The following GRIK3 variants were observed in gnomAD, a reference collection of about 807,000 sequenced individuals.
GRIK3 encodes the protein glutamate receptor ionotropic, kainate 3.
In GRIK3, 29 loss-of-function variants were observed where a neutral mutation model predicts 102.5. The ratio of observed to expected loss-of-function variants is 0.28; its 90% confidence interval spans 0.21 to 0.39. The LOEUF (loss-of-function observed/expected upper bound fraction) is 0.39, where lower values mean the gene tolerates loss of function less well. Among genes scored for constraint, GRIK3 ranks in the 10% least tolerant of loss-of-function variants. The pLI, the probability that GRIK3 is intolerant of heterozygous loss-of-function variation, is 1.00. For synonymous variants in GRIK3, 511 were observed against 504.9 expected, an observed-to-expected ratio of 1.01 and a Z score of -0.16; for missense variants, 908 against 1,252.4, an observed-to-expected ratio of 0.73 and a Z score of 4.15.
chr1:36,975,461 A>AT (rs1476097807), intron 1 of GRIK3, among the ~76,000 whole-genome samples: 3 of 151,776 alleles, frequency 2.0e-5, no homozygotes, highest in African/African-American at 4.8e-5. Flanking sequence ...TGCCCAGCTG[A>AT]TTTTTTGTAT....
chr1:36,890,710 G>T (rs1210569020), intron 2 of GRIK3, among the ~76,000 whole-genome samples: 1 of 152,160 alleles, frequency 6.6e-6, no homozygotes, highest in African/African-American at 2.4e-5. Flanking sequence ...TGAGAAAATT[G>T]AGGCACAGGG....
chr1:37,008,997 C>T (rs1459699100), intron 1 of GRIK3, among the ~76,000 whole-genome samples: 1 of 152,102 alleles, frequency 6.6e-6, no homozygotes. Context: ...CCAATCTCCA[C>T]CATTTACTTG....
rs564569912 is a variant in GRIK3 at position 36,829,444 on chromosome 1, G to A, written c.1531-3618C>T. On this transcript the variant is annotated intron_variant, in intron 10 of 15. Transcript: ENST00000373091. Reference sequence around the variant, plus strand: ...TTTAACAGAAGGAAACTGAGGCTCGGAGAGAAGCTCCTTGGTCTTTGCTAT... The same window carrying A: ...TTTAACAGAAGGAAACTGAGGCTCGAAGAGAAGCTCCTTGGTCTTTGCTAT... Among the ~76,000 whole-genome samples the A allele has an allele frequency of 1.1e-4, 17 of 152,016 alleles. No individual in the cohort carries two copies. In the East Asian group the frequency reaches 3.3e-3, roughly 29 times the overall value.
intron 15 of GRIK3, 82 bp downstream of exon 15, chr1:36,804,905 T>C: frequency 6.5e-7 from 1 of 1,528,122 alleles, no homozygotes; most frequent in East Asian, 2.3e-5. Context: ...GAGACACCAC[T>C]GTGTGCCTGG....
chr1:36,899,275 T>A (rs1234650163), intron 1 of GRIK3, among the ~76,000 whole-genome samples: 2 of 152,158 alleles, frequency 1.3e-5, no homozygotes, highest in East Asian at 3.8e-4. Flanking sequence ...TTGCAAATCA[T>A]ACACCTGATA....
intron 1 of GRIK3, among the ~76,000 whole-genome samples, chr1:36,917,436 CA>C (rs1467777695): frequency 2.6e-5 from 4 of 152,106 alleles, no homozygotes; most frequent in South Asian, 4.1e-4. Flanking sequence ...TGGGAGGGGC[CA>C]GGGGTGGCAT....
At chr1:36,853,866 T>C (rs925510064) in intron 7 of GRIK3, 144 bp from the exon 8 acceptor site, 2 of 633,378 alleles carry the variant, frequency 3.2e-6, no homozygotes, top group South Asian at 3.8e-5. Context: ...ACCTCCATCA[T>C]TGCTCGGGCT....
At position 36,882,715 on chromosome 1, in the gene GRIK3, A is replaced by C. The variant is rs376856278; in HGVS notation, c.293-1824T>G. Among the ~76,000 whole-genome samples the C allele has an allele frequency of 1.0e-3, 154 of 152,264 alleles. 2 individuals carry two copies. Among genetic ancestry groups the C allele is most frequent in the African/African-American group, 3.7e-3 (153 of 41,542 alleles). On this transcript the variant is annotated intron_variant, in intron 2 of 15. Coordinates refer to ENST00000373091, the MANE Select transcript of GRIK3 (RefSeq NM_000831.4). ...AAGGGGCACCTCCCTCTTTAAGTGA[A>C]CCTTCAAGGAAGTAACAGCTGGAGC...
At chr1:36,924,881 C>T (rs1641511407) in intron 1 of GRIK3, among the ~76,000 whole-genome samples, 1 of 152,206 alleles carries the variant, frequency 6.6e-6, no homozygotes, top group Non-Finnish European at 1.5e-5. Context: ...TTACTCTCAA[C>T]ACCCACAGAG....
chr1:36,972,868 G>A (rs1203585562), intron 1 of GRIK3, among the ~76,000 whole-genome samples: 2 of 152,146 alleles, frequency 1.3e-5, no homozygotes, highest in Admixed American at 1.3e-4. Context: ...CAAAGGATGG[G>A]GCAGAACATC....
intron 1 of GRIK3, among the ~76,000 whole-genome samples, chr1:37,005,086 T>C (rs57185010): frequency 0.036 from 5,537 of 152,300 alleles, 341 homozygotes; most frequent in African/African-American, 0.13. Flanking sequence ...CCCTCAATTC[T>C]ATTTTCACCT....
intron 1 of GRIK3, among the ~76,000 whole-genome samples, chr1:36,902,623 G>A (rs1641244028): frequency 6.6e-6 from 1 of 152,240 alleles, no homozygotes; most frequent in South Asian, 2.1e-4. Context: ...ACTATAAATT[G>A]CCAAACTTGG....
At chr1:36,979,729 G>C (rs1642230833) in intron 1 of GRIK3, among the ~76,000 whole-genome samples, 1 of 152,206 alleles carries the variant, frequency 6.6e-6, no homozygotes, top group Admixed American at 6.5e-5. Flanking sequence ...GCAGTTGAAA[G>C]GCCATGAGGT....
At chr1:36,909,294 C>CTT (rs112156014) in intron 1 of GRIK3, among the ~76,000 whole-genome samples, 3 of 139,692 alleles carry the variant, frequency 2.1e-5, no homozygotes, top group African/African-American at 2.6e-5. Context: ...CAAATCAGGG[C>CTT]TTTTTTTTTT....
intron 5 of GRIK3, among the ~76,000 whole-genome samples, chr1:36,863,195 A>T (rs1640745770): frequency 6.6e-6 from 1 of 152,120 alleles, no homozygotes; most frequent in East Asian, 1.9e-4. Context: ...CAGAGTCAAC[A>T]CCAGGCTACC....
chr1:36,953,554 A>G (rs866160450), intron 1 of GRIK3, among the ~76,000 whole-genome samples: 6 of 152,178 alleles, frequency 3.9e-5, no homozygotes, highest in South Asian at 2.1e-4. Context: ...GGTGATGACA[A>G]TGGCCTAGGG....
At chr1:36,933,371 G>A (rs570358202) in intron 1 of GRIK3, among the ~76,000 whole-genome samples, 10 of 152,214 alleles carry the variant, frequency 6.6e-5, no homozygotes, top group South Asian at 2.1e-4. Context: ...TGCCTGAACC[G>A]ACTGCTGATG....
chr1:36,976,770 G>T (rs2124362968), intron 1 of GRIK3, among the ~76,000 whole-genome samples: 1 of 152,248 alleles, frequency 6.6e-6, no homozygotes, highest in South Asian at 2.1e-4. Context: ...TACCAGCACA[G>T]TCCCAAAGCA....
chr1:36,947,151 C>G (rs1319489783), intron 1 of GRIK3, among the ~76,000 whole-genome samples: 1 of 152,054 alleles, frequency 6.6e-6, no homozygotes, highest in Non-Finnish European at 1.5e-5. Context: ...AAGGGATGGA[C>G]CATCTGCTCC....
Sources: gnomAD v4.1 joint callset for allele counts (sites outside exome capture counted in the v4.1 genomes callset) on GRCh38, gnomAD v4.1.1 for gene constraint, MANE v1.5 for transcripts, NCBI Gene and HGNC (gene_info 2026-07-23, HGNC 2026-07-21) for gene names.